Variants in AXDND1 observed in about 807,000 individuals in gnomAD.
The protein encoded by AXDND1 is axonemal dynein light chain domain-containing protein 1.
In AXDND1, 110 loss-of-function variants were observed where a neutral mutation model predicts 137.5. The ratio of observed to expected loss-of-function variants is 0.80; its 90% CI spans 0.69 to 0.94. AXDND1 has a LOEUF of 0.94. Among genes scored for constraint, AXDND1 ranks in the 40% least tolerant of loss-of-function variants. The pLI is 0.00. For synonymous variants in AXDND1, 414 were observed against 399.7 expected, an observed-to-expected ratio of 1.04 and a Z score of -0.43; for missense variants, 1,191 against 1,169.8, an observed-to-expected ratio of 1.02 and a Z score of -0.26.
intron 17 of AXDND1, among the ~76,000 whole-genome samples, chr1:179,471,412 A>G (rs944022762): frequency 2.6e-5 from 4 of 152,196 alleles, no homozygotes; most frequent in Middle Eastern, 3.4e-3. Flanking sequence ...TATATTGTCT[A>G]TTTCTTATTG....
intron 9 of AXDND1, among the ~76,000 whole-genome samples, chr1:179,393,303 T>C (rs1650486006): frequency 6.6e-6 from 1 of 152,218 alleles, no homozygotes; most frequent in Non-Finnish European, 1.5e-5. Flanking sequence ...TTCTGGATTC[T>C]CTAGTCTGTT....
At chr1:179,478,897 C>G (rs759822255) in intron 17 of AXDND1, among the ~76,000 whole-genome samples, 9 of 151,606 alleles carry the variant, frequency 5.9e-5, no homozygotes, top group African/African-American at 1.9e-4. Context: ...GTCAGGAGCT[C>G]GAGACCAGCT....
At chr1:179,504,645 T>G (rs1668356129) in intron 20 of AXDND1, among the ~76,000 whole-genome samples, 1 of 152,176 alleles carries the variant, frequency 6.6e-6, no homozygotes, top group Admixed American at 6.5e-5. Flanking sequence ...TGTGGAAGCC[T>G]TGTGCTATGG....
At chr1:179,547,479 G>A (rs7541890) in intron 25 of AXDND1, among the ~76,000 whole-genome samples, 38,144 of 152,178 alleles carry the variant, frequency 0.25, 5,396 homozygotes, top group East Asian at 0.42. Context: ...AAATGGTGCA[G>A]CAAAGAACGT....
intron 9 of AXDND1, among the ~76,000 whole-genome samples, chr1:179,389,650 C>G (rs887477092): frequency 4.6e-5 from 7 of 152,152 alleles, no homozygotes; most frequent in African/African-American, 1.4e-4. Flanking sequence ...CACTCCATTT[C>G]TAACTTACTA....
rs563213772 is a variant in AXDND1, at chr1:179,479,827, A to G, written c.1998-3301A>G. 4.6e-5 allele frequency among the ~76,000 whole-genome samples: 7 copies of G among 152,232 alleles called. No individual in the cohort carries two copies. In the South Asian group the frequency reaches 1.5e-3, roughly 32 times the overall value. ...ATTTCTTCCACCAGATATTCTAAAT[A>G]ATCTCTCTCAAGCTCATAGTTCCAC... On this transcript the variant is annotated intron_variant, in intron 17 of 25. Coordinates refer to ENST00000367618, the MANE Select transcript of AXDND1 (RefSeq NM_144696.6).
At chr1:179,468,401 T>TAC in intron 16 of AXDND1, 42 bp from the exon 17 acceptor site, 1 of 1,394,912 alleles carries the variant, frequency 7.2e-7, no homozygotes, top group Non-Finnish European at 9.9e-7. Flanking sequence ...ATAGTAGTCT[T>TAC]ACAAATATTT....
At chr1:179,534,683 A>G (rs749769740) in intron 24 of AXDND1, 47 bp from the exon 25 acceptor site, 2 of 1,526,482 alleles carry the variant, frequency 1.3e-6, no homozygotes, top group Admixed American at 2.4e-5. Context: ...AATCAAAAAT[A>G]CTTTTTCAAC....
intron 7 of AXDND1, 66 bp from the exon 8 acceptor site, chr1:179,383,375 CT>C: frequency 8.4e-7 from 1 of 1,189,794 alleles, no homozygotes; most frequent in South Asian, 1.3e-5. Flanking sequence ...ATATTATATT[CT>C]TTTTGCCATT....
intron 17 of AXDND1, among the ~76,000 whole-genome samples, chr1:179,476,987 G>A (rs556083691): frequency 8.8e-4 from 134 of 151,882 alleles, no homozygotes; most frequent in Non-Finnish European, 1.6e-3. Flanking sequence ...ATATGTAAGG[G>A]TGTCCCATAT....
chr1:179,445,914 C>T (rs1659668652), intron 16 of AXDND1, among the ~76,000 whole-genome samples: 1 of 152,116 alleles, frequency 6.6e-6, no homozygotes, highest in East Asian at 1.9e-4. Flanking sequence ...CTTTTTGAAG[C>T]CTGCCACACT....
At chr1:179,553,120 A>G (rs1673562246) in intron 25 of AXDND1, among the ~76,000 whole-genome samples, 1 of 152,262 alleles carries the variant, frequency 6.6e-6, no homozygotes, top group African/African-American at 2.4e-5. Context: ...ACAACGCTTA[A>G]TGTATTGCAT....
chr1:179,388,334 G>T (rs12734167), intron 9 of AXDND1, among the ~76,000 whole-genome samples: 30,747 of 151,978 alleles, frequency 0.2, 3,249 homozygotes, highest in Non-Finnish European at 0.24. Context: ...TCTTTCAGAA[G>T]TGTTGGGAAA....
At chr1:179,554,437 C>T in intron 25 of AXDND1, 75 bp from the exon 26 acceptor site, 1 of 1,611,580 alleles carries the variant, frequency 6.2e-7, no homozygotes, top group Non-Finnish European at 8.5e-7. Context: ...GAATATTTTC[C>T]TTTATCATAC....
intron 25 of AXDND1, among the ~76,000 whole-genome samples, chr1:179,542,023 A>T (rs1170714617): frequency 1.3e-5 from 2 of 152,324 alleles, no homozygotes; most frequent in Non-Finnish European, 1.5e-5. Flanking sequence ...ATATGCCCAA[A>T]TATTCACAGA....
chr1:179,383,669 T>C, intron 8 of AXDND1, 125 bp downstream of exon 8: 1 of 660,126 alleles, frequency 1.5e-6, no homozygotes, highest in Non-Finnish European at 2.6e-6. Flanking sequence ...TTTAATGTAT[T>C]TGTACCTCAG....
intron 22 of AXDND1, among the ~76,000 whole-genome samples, chr1:179,525,970 G>A (rs1192741081): frequency 3.3e-5 from 5 of 152,096 alleles, no homozygotes; most frequent in Non-Finnish European, 5.9e-5. Context: ...CAGAGGAAGG[G>A]AATGTTCCTT....
At chr1:179,533,462 A>T (rs1250192566) in intron 23 of AXDND1, among the ~76,000 whole-genome samples, 1 of 152,100 alleles carries the variant, frequency 6.6e-6, no homozygotes, top group Non-Finnish European at 1.5e-5. Flanking sequence ...TTATAAAGAA[A>T]CATGTTGATC....
intron 17 of AXDND1, among the ~76,000 whole-genome samples, chr1:179,480,923 TTTTA>T (rs139572314): frequency 0.4 from 60,139 of 150,054 alleles, 12,147 homozygotes; most frequent in Middle Eastern, 0.48. Context: ...TTGTTTTTGC[TTTTA>T]TTTATTTATT....
Sources: allele counts gnomAD v4.1 joint callset (sites outside exome capture counted in the v4.1 genomes callset), GRCh38; gene constraint gnomAD v4.1.1; transcripts MANE v1.5; gene names NCBI Gene and HGNC (gene_info 2026-07-23, HGNC 2026-07-21).